CNTNAP2: variants seen among roughly 807,000 people sequenced by gnomAD.
CNTNAP2 encodes contactin-associated protein-like 2.
Under a neutral mutation model 155.2 loss-of-function variants are expected in CNTNAP2, and 98 were observed. The ratio of observed to expected loss-of-function variants is 0.63; its 90% CI spans 0.54 to 0.75. The LOEUF (loss-of-function observed/expected upper bound fraction) is 0.75. Ranked by LOEUF, CNTNAP2 falls within the 30% of genes least tolerant of loss-of-function variation. CNTNAP2 has a pLI of 0.00. For synonymous variants in CNTNAP2, 651 were observed against 631.2 expected (o/e 1.03, Z -0.47); for missense variants, 1,727 against 1,688.1 (o/e 1.02, Z -0.40).
intron 3 of CNTNAP2, among the ~76,000 whole-genome samples, chr7:146,899,379 C>G (rs932643989): frequency 5.3e-5 from 8 of 152,130 alleles, no homozygotes; most frequent in Non-Finnish European, 1.2e-4. Context: ...TTCCTGTCCT[C>G]AGCACATTCC....
At chr7:147,182,055 G>T (rs1802467814) in intron 8 of CNTNAP2, among the ~76,000 whole-genome samples, 1 of 147,284 alleles carries the variant, frequency 6.8e-6, no homozygotes, top group Non-Finnish European at 1.5e-5. Context: ...AATCCAGGAG[G>T]CAGATGATCT....
intron 15 of CNTNAP2, among the ~76,000 whole-genome samples, chr7:148,059,299 A>G (rs1186420314): frequency 1.3e-5 from 2 of 151,862 alleles, no homozygotes; most frequent in Non-Finnish European, 2.9e-5. Context: ...AAAAGAAAAC[A>G]AAAACAAAAG....
chr7:147,351,644 C>G (rs930581298), intron 9 of CNTNAP2, among the ~76,000 whole-genome samples: 1 of 151,670 alleles, frequency 6.6e-6, no homozygotes, highest in Non-Finnish European at 1.5e-5. Context: ...ATGTAAATTG[C>G]AAGCATGAGT....
chr7:148,294,775 C>G (rs886506939), intron 21 of CNTNAP2, among the ~76,000 whole-genome samples: 1 of 152,076 alleles, frequency 6.6e-6, no homozygotes, highest in Non-Finnish European at 1.5e-5. Flanking sequence ...TCCTTACGAA[C>G]ACTAATTTTA....
chr7:147,468,926 C>T (rs1410266091), intron 10 of CNTNAP2, among the ~76,000 whole-genome samples: 2 of 151,888 alleles, frequency 1.3e-5, no homozygotes, highest in Non-Finnish European at 2.9e-5. Context: ...CTGCAACCTC[C>T]GCCTCCTGGG....
chr7:148,146,773 G>A (rs1028298098), intron 16 of CNTNAP2, among the ~76,000 whole-genome samples: 3 of 151,976 alleles, frequency 2.0e-5, no homozygotes, highest in African/African-American at 4.8e-5. Context: ...CCAACAATAG[G>A]TTACCCTCAT....
intron 13 of CNTNAP2, among the ~76,000 whole-genome samples, chr7:147,753,699 A>G (rs1001045919): frequency 2.6e-5 from 4 of 152,190 alleles, no homozygotes; most frequent in African/African-American, 9.6e-5. Context: ...TTCACTCAGG[A>G]CTTTGCAAAA....
intron 4 of CNTNAP2, among the ~76,000 whole-genome samples, chr7:147,088,726 C>T (rs1011056365): frequency 6.6e-6 from 1 of 152,108 alleles, no homozygotes; most frequent in African/African-American, 2.4e-5. Context: ...AGGAAAATGG[C>T]TTGAGCCTAC....
chr7:147,308,197 G>A (rs998317223), intron 9 of CNTNAP2, among the ~76,000 whole-genome samples: 3 of 152,288 alleles, frequency 2.0e-5, no homozygotes, highest in East Asian at 1.9e-4. Context: ...AGTGGAACCC[G>A]ATATCCAGCT....
At chr7:148,410,711 C>T (rs1799816482) in intron 23 of CNTNAP2, among the ~76,000 whole-genome samples, 1 of 151,924 alleles carries the variant, frequency 6.6e-6, no homozygotes, top group South Asian at 2.1e-4. Context: ...CATATTCTCA[C>T]TGATACACAG....
intron 12 of CNTNAP2, among the ~76,000 whole-genome samples, chr7:147,591,488 G>A (rs11770082): frequency 0.031 from 4,777 of 151,992 alleles, 111 homozygotes; most frequent in African/African-American, 0.048. Flanking sequence ...AAAGCACTGG[G>A]GATTAAGACT....
rs574144372 is a variant in CNTNAP2, at chr7:147,414,975, A to C, written c.1670+19195A>C. Among the ~76,000 whole-genome samples, 24 of 151,632 alleles carry C rather than the reference A, an allele frequency of 1.6e-4. No homozygotes were observed. The South Asian group carries it at 4.8e-3, about 30-fold the overall frequency. ...AAAAAAAAAAAAAAGAAAAGAAAAA[A>C]AAGAAATGGATTCTCTATCTGAGAA... On this transcript the variant is annotated intron_variant, in intron 10 of 23. Transcript: ENST00000361727.
chr7:146,881,460 A>AT (rs1033002041), intron 3 of CNTNAP2, among the ~76,000 whole-genome samples: 1 of 152,074 alleles, frequency 6.6e-6, no homozygotes, highest in Non-Finnish European at 1.5e-5. Context: ...GCCCTGCCTG[A>AT]TTTTTAGCCC....
chr7:148,068,890 C>T (rs1270874073), intron 15 of CNTNAP2, among the ~76,000 whole-genome samples: 2 of 152,182 alleles, frequency 1.3e-5, no homozygotes. Context: ...AGGGACACTT[C>T]TGCAGATCAC....
intron 2 of CNTNAP2, among the ~76,000 whole-genome samples, chr7:146,839,084 T>A (rs753742548): frequency 4.6e-5 from 7 of 152,154 alleles, no homozygotes; most frequent in Admixed American, 2.0e-4. Flanking sequence ...TTAACTTTGT[T>A]TAGTATCTAA....
rs545106730 is a variant in CNTNAP2, at chr7:146,596,878, A to AAAG, written c.98-177390_98-177388dup. 1.2e-3 allele frequency among the ~76,000 whole-genome samples: 176 copies of AAAG among 152,198 alleles called. 1 individual carries two copies. The highest frequency in any genetic ancestry group is 2.6e-4 in the Non-Finnish European group (18 of 67,974). ...TTGTGAGGGTTAAATGGAATAATGC[A>AAAG]AAGAAAGCCCTTGGCACTGCCTACT... On this transcript the variant is annotated intron_variant, in intron 1 of 23. Coordinates refer to ENST00000361727, the MANE Select transcript of CNTNAP2 (RefSeq NM_014141.6).
intron 1 of CNTNAP2, among the ~76,000 whole-genome samples, chr7:146,549,645 G>T (rs1008093770): frequency 9.9e-5 from 15 of 152,078 alleles, no homozygotes; most frequent in African/African-American, 3.4e-4. Flanking sequence ...ACAGAAGGAG[G>T]CTATAATTTC....
chr7:147,886,475 C>CAAAAAAAAAAAAAAAAA (rs532837902), intron 13 of CNTNAP2, among the ~76,000 whole-genome samples: 15 of 39,738 alleles, frequency 3.8e-4, no homozygotes, highest in African/African-American at 1.4e-3. Context: ...AACTCCATCT[C>CAAAAAAAAAAAAAAAAA]AAAAAAAAAA....
At chr7:148,055,731 ATTG>A (rs1802994300) in intron 15 of CNTNAP2, among the ~76,000 whole-genome samples, 4 of 30,672 alleles carry the variant, frequency 1.3e-4, no homozygotes, top group Non-Finnish European at 8.5e-5. Context: ...AAGTTAACAC[ATTG>A]CAGTTAAGAA....
Sources: gnomAD v4.1 joint callset for allele counts (sites outside exome capture counted in the v4.1 genomes callset) on GRCh38, gnomAD v4.1.1 for gene constraint, MANE v1.5 for transcripts, NCBI Gene and HGNC (gene_info 2026-07-23, HGNC 2026-07-21) for gene names.